Variants in PCDHGB3 observed in about 807,000 individuals in gnomAD.
The protein encoded by PCDHGB3 is protocadherin gamma subfamily B, 3, also known as protocadherin gamma-B3.
PCDHGB3 carries 40 observed loss-of-function variants against 59.2 expected under a neutral mutation model. That is an observed-to-expected ratio of 0.68 (90% CI 0.52 to 0.88). The LOEUF is 0.88. Ranked by LOEUF, PCDHGB3 falls within the 40% of genes least tolerant of loss-of-function variation. PCDHGB3 has a pLI of 0.00. For synonymous variants in PCDHGB3, 581 were observed against 503.6 expected, an observed-to-expected ratio of 1.15 and a Z score of -2.06; for missense variants, 1,309 against 1,187.9, an observed-to-expected ratio of 1.10 and a Z score of -1.50.
chr5:141,506,277 T>C (rs905595521), intron 3 of PCDHGB3, among the ~76,000 whole-genome samples: 1 of 152,050 alleles, frequency 6.6e-6, no homozygotes. Flanking sequence ...AGTGAAACCC[T>C]GTCTCTACTA....
chr5:141,489,467 C>G lies in PCDHGB3; in HGVS notation c.2416-5340C>G. 1 of 1,614,076 alleles carries G rather than the reference C, an allele frequency of 6.2e-7. No individual in the cohort carries two copies. The highest frequency in any genetic ancestry group is 8.5e-7 in the Non-Finnish European group (1 of 1,180,026). Reference sequence around the variant, plus strand: ...TCTGAGGAGAATGGGCGCTATTTTTCCCTGAGCTTGATGAGTGGTGCCCTG... The same window carrying G: ...TCTGAGGAGAATGGGCGCTATTTTTGCCTGAGCTTGATGAGTGGTGCCCTG... On this transcript the variant is annotated intron_variant, in intron 1 of 3. Transcript: ENST00000576222. The surrounding 1 kb of genome is among the most constrained non-coding windows in gnomAD (Gnocchi z 4.5).
At chr5:141,418,685 G>A (rs750217981) in intron 1 of PCDHGB3, 1 of 1,614,056 alleles carries the variant, frequency 6.2e-7, no homozygotes, top group African/African-American at 1.3e-5. Context: ...CATCAACTCA[G>A]AGATCACTTA....
intron 1 of PCDHGB3, chr5:141,468,667 CCATCCTGGCTAA>C (rs2099172391): frequency 6.7e-6 from 1 of 149,836 alleles, no homozygotes; most frequent in African/African-American, 2.5e-5. Flanking sequence ...GAGATCAAGA[CCATCCTGGCTAA>C]CACGGTGAAA....
At chr5:141,374,404 C>T (rs1383124731) in intron 1 of PCDHGB3, 2 of 1,613,916 alleles carry the variant, frequency 1.2e-6, no homozygotes, top group South Asian at 1.1e-5. Context: ...TGAGTTTTAA[C>T]ATCCTTGTCG....
At chr5:141,440,115 A>G (rs921555018) in intron 1 of PCDHGB3, 4 of 152,250 alleles carry the variant, frequency 2.6e-5, no homozygotes, top group African/African-American at 4.8e-5. Flanking sequence ...TTACTTGTGA[A>G]TGACTGAATG....
chr5:141,388,424 G>T, intron 1 of PCDHGB3: 2 of 1,613,812 alleles, frequency 1.2e-6, no homozygotes, highest in Non-Finnish European at 1.7e-6. Flanking sequence ...ATTTCTCACT[G>T]ATAAATAAAG....
At chr5:141,375,681 C>T in intron 1 of PCDHGB3, 4 of 1,614,270 alleles carry the variant, frequency 2.5e-6, no homozygotes, top group Non-Finnish European at 3.4e-6. Flanking sequence ...CTGTGGGTGA[C>T]AGCCAGCGAC....
chr5:141,485,563 C>A lies in PCDHGB3; in HGVS notation c.2416-9244C>A. 2 of 1,612,904 alleles carry A rather than the reference C, an allele frequency of 1.2e-6. No individual in the cohort carries two copies. The highest frequency in any genetic ancestry group is 1.7e-6 in the Non-Finnish European group (2 of 1,179,034). ...AGATCGTAGATGTGAATGATCACGC[C>A]CCCCGTTTTCCGCGGCAGCAGCTGG... On this transcript the variant is annotated intron_variant, in intron 1 of 3. Coordinates refer to ENST00000576222, the MANE Select transcript of PCDHGB3 (RefSeq NM_018924.5). This position sits in a 1 kb window ranked among gnomAD's most constrained non-coding sequence, Gnocchi z 5.7.
chr5:141,503,343 T>C (rs558650835), intron 2 of PCDHGB3, among the ~76,000 whole-genome samples: 87 of 152,106 alleles, frequency 5.7e-4, no homozygotes, highest in South Asian at 1.2e-3. Flanking sequence ...ACGCCTGTAA[T>C]TCCAGCACTT....
rs768654364 is a variant in PCDHGB3 at position 141,371,793 on chromosome 5, C to T, written c.1399C>T (p.Pro467Ser). 7.4e-6 allele frequency: 12 copies of T among 1,613,808 alleles called. No homozygotes were observed. Among genetic ancestry groups the T allele is most frequent in the Non-Finnish European group, 9.3e-6 (11 of 1,179,910 alleles). ...CGTGCATGTAGCTGAGAACAATCCG[C>T]CTGGAGCCTCCATTGCGCATGTCAG... ...YTVHVAENNP[P>S]GASIAHVRAS... is the part of the protein sequence containing the mutation. Residue 467 changes from proline (P) to serine (S), a missense_variant, in exon 1 of 4, where the codon CCT becomes TCT. By Grantham distance (74) the Pro-to-Ser change is moderately conservative. Transcript: ENST00000576222.
rs11575954 is a variant in PCDHGB3 at position 141,376,006 on chromosome 5, C to T, written c.2415+3197C>T. The T allele has an allele frequency of 4.7e-3, 7,621 of 1,612,710 alleles. 42 individuals are homozygous for T. Among genetic ancestry groups the T allele is most frequent in the Admixed American group, 8.7e-3 (524 of 59,936 alleles). On this transcript the variant is annotated intron_variant, in intron 1 of 3. Transcript: ENST00000576222. ...TGGACAGAGACGCGCTCAAGCAGAG[C>T]CTAGTGGTGGCCGTCCAGGACCACG...
chr5:141,423,672 T>A, intron 1 of PCDHGB3: 2 of 1,549,982 alleles, frequency 1.3e-6, no homozygotes, highest in Non-Finnish European at 1.7e-6. Context: ...TGAGATTTAT[T>A]TCTCTGCCTC....
In PCDHGB3 at chr5:141,372,387, G is replaced by T. The variant is rs771030632; in HGVS notation, c.1993G>T (p.Ala665Ser). The change falls in exon 1 of 4, where the codon GCA becomes TCA. Residue 665 changes from alanine to serine, a missense_variant. Coordinates refer to ENST00000576222, the MANE Select transcript of PCDHGB3 (RefSeq NM_018924.5). ...CACCGTCATGCTGCACCTAATCTTC[G>T]CAGATAGCTTGCAAGAGATACAACC... ...SATVMLHLIFADSLQEIQPDL... is the reference protein window; with the variant it reads ...SATVMLHLIFSDSLQEIQPDL... The T allele has an allele frequency of 3.7e-6, 6 of 1,613,898 alleles. No homozygotes were observed. The highest frequency in any genetic ancestry group is 5.1e-6 in the Non-Finnish European group (6 of 1,179,912).
At chr5:141,375,275 GT>G in intron 1 of PCDHGB3, 3 of 1,613,902 alleles carry the variant, frequency 1.9e-6, no homozygotes, top group Non-Finnish European at 1.7e-6. Flanking sequence ...GGAAAAATCA[GT>G]TGGCAATTAT....
chr5:141,414,106 CTAGA>C, intron 1 of PCDHGB3: 1 of 1,592,656 alleles, frequency 6.3e-7, no homozygotes, highest in Non-Finnish European at 8.6e-7. Flanking sequence ...ATCAGAAAAT[CTAGA>C]TTATGAAGAA....
chr5:141,489,381 T>A lies in PCDHGB3; in HGVS notation c.2416-5426T>A. 1 of 1,613,894 alleles carries A rather than the reference T, an allele frequency of 6.2e-7. No homozygotes were observed. The highest frequency in any genetic ancestry group is 8.5e-7 in the Non-Finnish European group (1 of 1,179,802). ...CTGAGCCGGGGACGCTGGTGGGGAATGTTGCTCAGGATCTGGGCTTAAAGA... is the reference window on the plus strand; with the variant it reads ...CTGAGCCGGGGACGCTGGTGGGGAAAGTTGCTCAGGATCTGGGCTTAAAGA... On this transcript the variant is annotated intron_variant, in intron 1 of 3. Transcript: ENST00000576222. The surrounding 1 kb of genome is among the most constrained non-coding windows in gnomAD (Gnocchi z 4.5).
chr5:141,383,349 T>C lies in PCDHGB3; in HGVS notation c.2415+10540T>C, dbSNP rs781308834. The C allele has an allele frequency of 1.1e-5, 18 of 1,613,856 alleles. No individual in the cohort carries two copies. The African/African-American group carries it at 2.4e-4, about 22-fold the overall frequency. On this transcript the variant is annotated intron_variant, in intron 1 of 3. Transcript: ENST00000576222. The stretch of plus-strand genomic sequence containing the variant: ...TAATGGAGAATACAGCTCCTGGGGT[T>C]CGGTTTCCGTTAAGCGAGGCTGGGG...
chr5:141,510,426 T>C (rs983368750), intron 3 of PCDHGB3, among the ~76,000 whole-genome samples: 1 of 152,084 alleles, frequency 6.6e-6, no homozygotes, highest in African/African-American at 2.4e-5. Flanking sequence ...CATGGTTTCA[T>C]GGCTGCTGCC....
chr5:141,491,895 A>C lies in PCDHGB3; in HGVS notation c.2416-2912A>C. 1.4e-6 allele frequency: 2 copies of C among 1,434,306 alleles called. No individual in the cohort carries two copies. The highest frequency in any genetic ancestry group is 1.8e-6 in the Non-Finnish European group (2 of 1,084,904). 88.8% of individuals were successfully genotyped at this position (1,434,306 alleles called of 1,614,324 possible). Reference sequence around the variant, plus strand: ...CCGATTAAGGGATGGGGCTCCGAGCACCGGGGGTGGTGGCGACTGTGGGCG... The same window carrying C: ...CCGATTAAGGGATGGGGCTCCGAGCCCCGGGGGTGGTGGCGACTGTGGGCG... On this transcript the variant is annotated intron_variant, in intron 1 of 3. Transcript: ENST00000576222. The surrounding 1 kb of genome is among the most constrained non-coding windows in gnomAD (Gnocchi z 6.9).
Sources: gnomAD v4.1 joint callset for allele counts (sites outside exome capture counted in the v4.1 genomes callset) on GRCh38, gnomAD v4.1.1 for gene constraint, Gnocchi (gnomAD v3.1) non-coding constraint, MANE v1.5 for transcripts, NCBI Gene and HGNC (gene_info 2026-07-23, HGNC 2026-07-21) for gene names.